OGDHL: variants seen among roughly 807,000 people sequenced by gnomAD.
OGDHL encodes 2-oxoglutarate dehydrogenase-like, mitochondrial.
A neutral mutation model predicts 109.6 loss-of-function variants in OGDHL; 79 were observed. The ratio of observed to expected loss-of-function variants is 0.72; its 90% CI spans 0.60 to 0.87. OGDHL has a LOEUF of 0.87. Among genes scored for constraint, OGDHL ranks in the 40% least tolerant of loss-of-function variants. The pLI is 0.00. For missense variants in OGDHL, 1,275 were observed against 1,362.2 expected (o/e 0.94, Z 1.01); for synonymous variants, 528 against 537.2 (o/e 0.98, Z 0.24).
chr10:49,757,078 T>C, intron 2 of OGDHL, 132 bp from the exon 3 acceptor site: 2 of 778,362 alleles, frequency 2.6e-6, no homozygotes, highest in Non-Finnish European at 3.9e-6. Flanking sequence ...CCAGGGTGCC[T>C]AGATGTACAT....
At chr10:49,743,266 G>A (rs1215208384) in intron 14 of OGDHL, among the ~76,000 whole-genome samples, 1 of 152,222 alleles carries the variant, frequency 6.6e-6, no homozygotes, top group African/African-American at 2.4e-5. Context: ...AGCTGTCAAG[G>A]TACACGGATT....
chr10:49,747,938 C>A (rs1396324638), intron 8 of OGDHL, among the ~76,000 whole-genome samples: 1 of 152,296 alleles, frequency 6.6e-6, no homozygotes, highest in East Asian at 1.9e-4. Context: ...CAACTGAATT[C>A]ATAACAAAGA....
At position 49,745,804 on chromosome 10, in the gene OGDHL, C is replaced by A. The variant is rs774959115; in HGVS notation, c.1470G>T (p.Val490=). ...WRNTFNKDVV[V]DLVCYRRRGH... ...CCTCAGTCCCCAGACCCACCAGGTC[C>A]ACGACAACATCTTTGTTGAAAGTGT... The change falls in exon 11 of 23, where the codon GTG becomes GTT. Residue 490 remains valine, a synonymous_variant. Coordinates refer to ENST00000374103, the MANE Select transcript of OGDHL (RefSeq NM_018245.3). 6.2e-7 allele frequency: 1 copy of A among 1,614,030 alleles called. No homozygotes were observed. Among genetic ancestry groups the A allele is most frequent in the Admixed American group, 1.7e-5 (1 of 60,016 alleles).
chr10:49,750,516 C>A (rs1172405829), intron 7 of OGDHL, among the ~76,000 whole-genome samples: 2 of 152,230 alleles, frequency 1.3e-5, no homozygotes, highest in Non-Finnish European at 2.9e-5. Context: ...GAAATCCCTC[C>A]ACCTCTCCTT....
intron 8 of OGDHL, among the ~76,000 whole-genome samples, chr10:49,749,313 G>A (rs1217337637): frequency 6.6e-6 from 1 of 152,172 alleles, no homozygotes. Context: ...TCAGCAGGTC[G>A]ATGGGTACGG....
chr10:49,736,303 G>C (rs1841168269), intron 21 of OGDHL, 54 bp downstream of exon 21: 3 of 1,605,102 alleles, frequency 1.9e-6, no homozygotes, highest in African/African-American at 1.3e-5. Flanking sequence ...CCAGAGCCGG[G>C]GCCAGCGACG....
chr10:49,757,094 G>T, intron 2 of OGDHL, 148 bp from the exon 3 acceptor site: 1 of 678,844 alleles, frequency 1.5e-6, no homozygotes. Context: ...TACATACAAC[G>T]ATGTTCCCTG....
chr10:49,754,211 C>T (rs1125165), intron 3 of OGDHL, among the ~76,000 whole-genome samples: 58,594 of 152,140 alleles, frequency 0.39, 14,255 homozygotes, highest in East Asian at 0.89. Flanking sequence ...GAGCTTGAAG[C>T]ATCTTGTTAT....
intron 3 of OGDHL, 113 bp downstream of exon 3, chr10:49,756,663 G>A: frequency 9.1e-7 from 1 of 1,096,770 alleles, no homozygotes; most frequent in Admixed American, 2.8e-5. Flanking sequence ...AGAGGACAAG[G>A]AGAAGGGCTC....
In OGDHL at chr10:49,740,782, T is replaced by A. The variant is rs756449712; in HGVS notation, c.2068A>T (p.Met690Leu). 1.9e-6 allele frequency: 3 copies of A among 1,613,758 alleles called. No individual in the cohort carries two copies. The highest frequency in any genetic ancestry group is 2.5e-6 in the Non-Finnish European group (3 of 1,179,838). ...GCCTGGTCAGGCCAGAGATGATTCA[T>A]AGGCACACACGTCCTGCGGTCAACC... ...QEVDRRTCVP[M>L]NHLWPDQAPY... The change falls in exon 16 of 23, where the codon ATG becomes TTG. Residue 690 changes from methionine to leucine, a missense_variant. Transcript: ENST00000374103.
Position 49,750,904 on chromosome 10 carries a change from G to C in OGDHL, c.831C>G (p.Leu277=). ...CGCTGGATTTGTCGATGATGGTCTT[G>C]AGGGCAGGAATCATCACTTCACAGC... ...LEGCEVMIPA[L]KTIIDKSSEM... is the part of the protein sequence containing the mutation. Residue 277 remains leucine, a synonymous_variant, in exon 7 of 23, where the codon CTC becomes CTG. Coordinates refer to ENST00000374103, the MANE Select transcript of OGDHL (RefSeq NM_018245.3). 1 of 1,612,700 alleles carries C rather than the reference G, an allele frequency of 6.2e-7. No homozygotes were observed. The highest frequency in any genetic ancestry group is 2.2e-5 in the East Asian group (1 of 44,872).
chr10:49,740,560 G>A (rs555397043), intron 16 of OGDHL, 150 bp downstream of exon 16: 39 of 970,484 alleles, frequency 4.0e-5, no homozygotes, highest in Non-Finnish European at 5.5e-5. Context: ...TTAGGTGAGG[G>A]CAGCCCAATC....
At chr10:49,739,493 C>G (rs1486379785) in intron 17 of OGDHL, 168 bp downstream of exon 17, 2 of 722,478 alleles carry the variant, frequency 2.8e-6, no homozygotes, top group African/African-American at 3.5e-5. Context: ...ATCATCGTCT[C>G]AGCAGCTGCA....
At position 49,735,429 on chromosome 10, in the gene OGDHL, G is replaced by A. The variant is rs1460329024; in HGVS notation, c.2910-78C>T. ...CCGCTGCCCTCACTCCGGGACTGCA[G>A]GGGGCACGCATCTGAGAACCGCTGA... On this transcript the variant is annotated intron_variant, in intron 22 of 22. Coordinates refer to ENST00000374103, the MANE Select transcript of OGDHL (RefSeq NM_018245.3). 4 of 1,537,512 alleles carry A rather than the reference G, an allele frequency of 2.6e-6. No homozygotes were observed. In the Admixed American group the frequency reaches 5.7e-5, roughly 22 times the overall value.
Position 49,736,514 on chromosome 10 carries a change from C to T in OGDHL, c.2597G>A (p.Ser866Asn). ...SSFDQMVSGT[S>N]FQRVIPEDGA... ...ATCTTCAGGAATCACCCGCTGGAAG[C>T]TGGTCCCTGAGGGACCAACAGGACA... The change falls in exon 21 of 23, where the codon AGC becomes AAC. Residue 866 changes from serine to asparagine, a missense_variant. Coordinates refer to ENST00000374103, the MANE Select transcript of OGDHL (RefSeq NM_018245.3). The T allele has an allele frequency of 6.2e-7, 1 of 1,613,126 alleles. No individual in the cohort carries two copies. Among genetic ancestry groups the T allele is most frequent in the East Asian group, 2.2e-5 (1 of 44,866 alleles).
intron 3 of OGDHL, among the ~76,000 whole-genome samples, chr10:49,754,199 C>T (rs2133082784): frequency 6.6e-6 from 1 of 152,330 alleles, no homozygotes; most frequent in South Asian, 2.1e-4. Context: ...AATGTACAAG[C>T]TGAGCTTGAA....
Position 49,736,172 on chromosome 10 carries a change from A to C in OGDHL, c.2760T>G (p.Ser920=), listed in dbSNP as rs769296676. 2 of 1,593,448 alleles carry C rather than the reference A, an allele frequency of 1.3e-6. No homozygotes were observed. The highest frequency in any genetic ancestry group is 4.5e-5 in the East Asian group (2 of 44,812). ...KVAITRLEQI[S]PFPFDLIKQE... is the part of the protein sequence containing the mutation. ...GCTTGATCAGGTCGAAGGGGAATGG[A>C]GAGATCTGGGGAGGCAGAAACAAAG... The change falls in exon 22 of 23, where the codon TCT becomes TCG. Residue 920 remains serine (S), a synonymous_variant. Transcript: ENST00000374103.
intron 10 of OGDHL, among the ~76,000 whole-genome samples, chr10:49,746,459 C>T (rs1228734110): frequency 1.3e-5 from 2 of 152,212 alleles, no homozygotes; most frequent in African/African-American, 4.8e-5. Flanking sequence ...AGAAAGGGCA[C>T]CAAGGTCCCT....
rs1230041222 is a variant in OGDHL, at chr10:49,734,915, A to T, written c.*313T>A. On this transcript the variant is annotated 3_prime_UTR_variant, in exon 23 of 23. Coordinates refer to ENST00000374103, the MANE Select transcript of OGDHL (RefSeq NM_018245.3). ...GCTGCCGGGATGGGAGCGGCCACAG[A>T]CACAGGCCCCCGGGTGTCTGTCTTG... 2.9e-5 allele frequency: 6 copies of T among 209,106 alleles called. No homozygotes were observed. The highest frequency in any genetic ancestry group is 5.7e-5 in the Non-Finnish European group (6 of 105,814). The allele number at this position is 209,106 out of a possible 1,614,324, so 13.0% of individuals were successfully genotyped here.
Sources: gnomAD v4.1 joint callset for allele counts (sites outside exome capture counted in the v4.1 genomes callset) on GRCh38, gnomAD v4.1.1 for gene constraint, MANE v1.5 for transcripts, NCBI Gene and HGNC (gene_info 2026-07-23, HGNC 2026-07-21) for gene names.